Variants in MSL3B observed in about 807,000 individuals in gnomAD.
MSL3B encodes MSL complex subunit 3B.
the MSL3B span, among the ~76,000 whole-genome samples, chr2:233,867,838 G>C: frequency 1.5e-5 from 2 of 135,788 alleles, no homozygotes; most frequent in African/African-American, 5.6e-5. Flanking sequence ...TGCCGCCCAG[G>C]CTAGAGTGCA....
At chr2:233,865,848 A>G in the MSL3B span, 3 of 280,772 alleles carry the variant, frequency 1.1e-5, no homozygotes, top group South Asian at 7.5e-5. Context: ...GTACACTTCC[A>G]TGAACATTTC....
the MSL3B span, chr2:233,866,174 G>T: frequency 3.2e-6 from 2 of 633,922 alleles, no homozygotes; most frequent in Non-Finnish European, 6.1e-6. Flanking sequence ...ATGCACCTCA[G>T]AGGCAGCGAC....
At chr2:233,865,470 T>C in the MSL3B span, 1 of 152,160 alleles carries the variant, frequency 6.6e-6, no homozygotes, top group Non-Finnish European at 1.5e-5. Flanking sequence ...TTTATTTAGA[T>C]CACCAAAAAG....
At chr2:233,868,252 G>T in the MSL3B span, 2 of 378,330 alleles carry the variant, frequency 5.3e-6, no homozygotes, top group South Asian at 4.7e-5. Flanking sequence ...GGCGTCCGAC[G>T]GGAGCGTCCC....
chr2:233,866,628 C>T, the MSL3B span: 322 of 798,726 alleles, frequency 4.0e-4, 1 homozygote, highest in African/African-American at 4.5e-3. Context: ...TCACAGTTGG[C>T]GGTGTGGGGC....
chr2:233,866,988 G>C, the MSL3B span: 1 of 1,314,120 alleles, frequency 7.6e-7, no homozygotes, highest in Non-Finnish European at 1.1e-6. Flanking sequence ...CTGGCATGTG[G>C]CATAGCGTGA....
the MSL3B span, among the ~76,000 whole-genome samples, chr2:233,867,643 T>C: frequency 6.6e-6 from 1 of 150,570 alleles, no homozygotes; most frequent in Non-Finnish European, 1.5e-5. Flanking sequence ...GTCCTGCTAA[T>C]TGTTTTGTAT....
At chr2:233,868,349 T>A in the MSL3B span, 5 of 167,516 alleles carry the variant, frequency 3.0e-5, no homozygotes, top group Admixed American at 2.5e-4. Flanking sequence ...GCCTCCTCCG[T>A]CGGCGGCTTG....
the MSL3B span, among the ~76,000 whole-genome samples, chr2:233,867,810 T>TTG: frequency 0.025 from 3,097 of 126,178 alleles, 135 homozygotes; most frequent in Non-Finnish European, 0.039. Flanking sequence ...TTTTTTTTTT[T>TTG]GAGACAGAGT....
chr2:233,868,265 G>C, the MSL3B span: 11 of 359,086 alleles, frequency 3.1e-5, no homozygotes, highest in Non-Finnish European at 6.4e-5. Flanking sequence ...AGCGTCCCAC[G>C]GGAGCCTACG....
the MSL3B span, chr2:233,866,009 A>G: frequency 2.6e-6 from 1 of 381,438 alleles, no homozygotes; most frequent in Admixed American, 3.7e-5. Context: ...ACCTCTGTCA[A>G]AGCCCCCTGG....
the MSL3B span, chr2:233,865,995 G>C: frequency 2.7e-6 from 1 of 376,722 alleles, no homozygotes; most frequent in Non-Finnish European, 5.1e-6. Context: ...AAACAACAGG[G>C]CACACCTCTG....
the MSL3B span, chr2:233,866,518 T>C: frequency 5.0e-6 from 6 of 1,203,572 alleles, no homozygotes; most frequent in Non-Finnish European, 7.4e-6. Context: ...TATGCACAGG[T>C]GTCTTCTTTT....
chr2:233,868,298 G>A, the MSL3B span: 2 of 268,772 alleles, frequency 7.4e-6, no homozygotes, highest in African/African-American at 2.3e-5. Context: ...GCACGGCAGG[G>A]GAGATTTAAC....
At chr2:233,867,029 G>T in the MSL3B span, 90,407 of 1,260,220 alleles carry the variant, frequency 0.072, 3,648 homozygotes, top group Middle Eastern at 0.14. Flanking sequence ...GGCTGAAAAG[G>T]CTGCACTGAT....
At chr2:233,865,801 G>C in the MSL3B span, 1 of 174,000 alleles carries the variant, frequency 5.7e-6, no homozygotes, top group Non-Finnish European at 1.2e-5. Flanking sequence ...GGTTCTTGCT[G>C]ACTAACTGCA....
chr2:233,867,141 C>A, the MSL3B span: 30 of 814,820 alleles, frequency 3.7e-5, no homozygotes, highest in Non-Finnish European at 6.7e-5. Context: ...CAATCATCCT[C>A]CAGCTGCCTC....
At chr2:233,868,043 C>G in the MSL3B span, 1 of 241,930 alleles carries the variant, frequency 4.1e-6, no homozygotes, top group Non-Finnish European at 9.0e-6. Flanking sequence ...CCCGCCTCCG[C>G]CTCCCAAAAT....
the MSL3B span, chr2:233,867,536 C>T: frequency 3.2e-5 from 9 of 285,146 alleles, no homozygotes; most frequent in Non-Finnish European, 4.7e-5. Context: ...AGTGCGGTGG[C>T]GCGGTCTCAG....
Sources: allele counts gnomAD v4.1 joint callset (sites outside exome capture counted in the v4.1 genomes callset), GRCh38; gene constraint gnomAD v4.1.1; transcripts MANE v1.5; gene names NCBI Gene and HGNC (gene_info 2026-07-23, HGNC 2026-07-21).